Variants in NEMP1 observed in about 807,000 individuals in gnomAD.
NEMP1 encodes the protein transmembrane protein 194.
NEMP1 carries 29 observed loss-of-function variants against 53.7 expected under a neutral mutation model. The ratio of observed to expected loss-of-function variants is 0.54; its 90% CI spans 0.40 to 0.74. The LOEUF (loss-of-function observed/expected upper bound fraction) is 0.74. Ranked by LOEUF, NEMP1 falls within the 30% of genes least tolerant of loss-of-function variation. The pLI, the probability that NEMP1 is intolerant of heterozygous loss-of-function variation, is 0.00. For synonymous variants in NEMP1, 193 were observed against 192.9 expected, an observed-to-expected ratio of 1.00 and a Z score of 0.00; for missense variants, 477 against 528.6, an observed-to-expected ratio of 0.90 and a Z score of 0.96.
At chr12:57,070,620 G>A (rs969530196) in intron 3 of NEMP1, 54 bp downstream of exon 3, 25 of 1,454,930 alleles carry the variant, frequency 1.7e-5, no homozygotes, top group African/African-American at 2.8e-5. Context: ...ATACCCTTCA[G>A]AACTCAGTCC....
At chr12:57,070,644 A>G in intron 3 of NEMP1, 30 bp downstream of exon 3, 1 of 1,527,486 alleles carries the variant, frequency 6.5e-7, no homozygotes. Flanking sequence ...TCACTACAGA[A>G]TCCATCAGAA....
At chr12:57,070,956 A>G in intron 2 of NEMP1, 63 bp from the exon 3 acceptor site, 1 of 1,418,272 alleles carries the variant, frequency 7.1e-7, no homozygotes, top group Non-Finnish European at 9.7e-7. Flanking sequence ...TTTCACAAAT[A>G]CAATTTTTTA....
chr12:57,065,590 T>C (rs2032034357), intron 4 of NEMP1, among the ~76,000 whole-genome samples: 1 of 151,298 alleles, frequency 6.6e-6, no homozygotes, highest in African/African-American at 2.4e-5. Context: ...GGCGTCATCA[T>C]GGCTCACTGC....
chr12:57,063,997 A>G (rs971350197), intron 6 of NEMP1, 74 bp downstream of exon 6: 2 of 902,752 alleles, frequency 2.2e-6, no homozygotes, highest in East Asian at 5.7e-5. Context: ...TAAGCAGGCA[A>G]AATCTTTTCA....
intron 5 of NEMP1, 92 bp downstream of exon 5, chr12:57,064,554 T>C: frequency 1.1e-6 from 1 of 923,938 alleles, no homozygotes; most frequent in Non-Finnish European, 1.7e-6. Context: ...CAGCCATCAA[T>C]ACACATTTTC....
chr12:57,069,372 G>T, intron 3 of NEMP1, 66 bp from the exon 4 acceptor site: 1 of 1,065,274 alleles, frequency 9.4e-7, no homozygotes, highest in Non-Finnish European at 1.3e-6. Context: ...TAGAATAAAA[G>T]ACAACGTTGG....
intron 4 of NEMP1, 69 bp downstream of exon 4, chr12:57,069,165 T>C (rs994423164): frequency 1.8e-6 from 2 of 1,095,172 alleles, no homozygotes; most frequent in African/African-American, 1.6e-5. Flanking sequence ...CAGTACTTAA[T>C]AGTTACTATA....
rs1031931826 is a variant in NEMP1, at chr12:57,056,076, G to T, written c.*3803C>A. On this transcript the variant is annotated 3_prime_UTR_variant, in exon 9 of 9. Coordinates refer to ENST00000300128, the MANE Select transcript of NEMP1 (RefSeq NM_001130963.2). ...TGTGAAAGAGGAAGATGACACACACGTGGGATGGTGTGGAAATCCAAAGCC... is the reference window on the plus strand; with the variant it reads ...TGTGAAAGAGGAAGATGACACACACTTGGGATGGTGTGGAAATCCAAAGCC... The T allele has an allele frequency of 6.6e-6, 1 of 152,292 alleles. No individual in the cohort carries two copies. Among genetic ancestry groups the T allele is most frequent in the East Asian group, 1.9e-4 (1 of 5,182 alleles). 9.4% of individuals were successfully genotyped at this position (152,292 alleles called of 1,614,324 possible).
At chr12:57,082,684 C>T (rs569209805), upstream of NEMP1, among the ~76,000 whole-genome samples, 3 of 152,118 alleles carry the variant, frequency 2.0e-5, no homozygotes, top group African/African-American at 7.2e-5. Context: ...TGCACTCCAC[C>T]CTGGGTGACA....
chr12:57,086,449 G>A (rs148039860), intron 1 of NEMP1, among the ~76,000 whole-genome samples: 237 of 152,220 alleles, frequency 1.6e-3, no homozygotes, highest in African/African-American at 5.6e-3. Context: ...GAGCCAAGGG[G>A]ACACAGGGGA....
intron 1 of NEMP1, among the ~76,000 whole-genome samples, chr12:57,076,941 T>C (rs2032651155): frequency 9.6e-6 from 1 of 103,780 alleles, no homozygotes; most frequent in Admixed American, 1.4e-4. Context: ...ACAGCAAGAC[T>C]ACATTCTGCG....
chr12:57,071,375 T>A (rs1315966338), intron 2 of NEMP1, among the ~76,000 whole-genome samples: 1 of 152,118 alleles, frequency 6.6e-6, no homozygotes, highest in African/African-American at 2.4e-5. Flanking sequence ...ATCACTTTTT[T>A]ATCAGATAAT....
intron 1 of NEMP1, among the ~76,000 whole-genome samples, chr12:57,078,009 G>A (rs2032714155): frequency 6.6e-6 from 1 of 152,148 alleles, no homozygotes. Context: ...TTGAACCCAG[G>A]AGGCGGAGGT....
chr12:57,066,881 T>A (rs1592505035), intron 4 of NEMP1, among the ~76,000 whole-genome samples: 1 of 152,246 alleles, frequency 6.6e-6, no homozygotes, highest in Non-Finnish European at 1.5e-5. Flanking sequence ...CACTTGGTTC[T>A]CATTCTCTCT....
At chr12:57,060,116 T>C in intron 8 of NEMP1, 57 bp from the exon 9 acceptor site, 2 of 1,539,146 alleles carry the variant, frequency 1.3e-6, no homozygotes, top group Non-Finnish European at 1.8e-6. Flanking sequence ...TCTGGTCTTC[T>C]TTCAAAATAA....
chr12:57,082,322 C>G (rs2032871208), upstream of NEMP1, among the ~76,000 whole-genome samples: 2 of 152,128 alleles, frequency 1.3e-5, no homozygotes, highest in South Asian at 4.1e-4. Flanking sequence ...GCTAAATGTA[C>G]CATACTAATG....
intron 8 of NEMP1, 96 bp from the exon 9 acceptor site, chr12:57,060,155 C>T: frequency 8.9e-7 from 1 of 1,126,078 alleles, no homozygotes; most frequent in African/African-American, 1.6e-5. Flanking sequence ...GATATGCTCG[C>T]AACTCAAATT....
Position 57,078,673 on chromosome 12 carries a change from C to T in NEMP1, c.73G>A (p.Gly25Ser), listed in dbSNP as rs375519830. The T allele has an allele frequency of 9.3e-6, 15 of 1,613,470 alleles. No homozygotes were observed. The highest frequency in any genetic ancestry group is 2.7e-5 in the African/African-American group (2 of 74,896). Residue 25 changes from glycine (G) to serine (S), a missense_variant, in exon 1 of 9, where the codon GGT becomes AGT. By Grantham distance (56) the Gly-to-Ser change is moderately conservative. Transcript: ENST00000300128. ...PGPWGSGVGG[G>S]GTVRLLLILS... ...ATCAAGAGTAGCCGCACTGTCCCAC[C>T]GCCCCCGACTCCCGAGCCCCAGGGC... is the stretch of plus-strand genomic sequence containing the variant.
rs561073934 is a variant in NEMP1 at position 57,067,417 on chromosome 12, T to C, written c.545+1817A>G. On this transcript the variant is annotated intron_variant, in intron 4 of 8. Coordinates refer to ENST00000300128, the MANE Select transcript of NEMP1 (RefSeq NM_001130963.2). ...CAACAGCAGCATCAAAGATCACTGA[T>C]TATGGATCACCATAACAGTTATAAT... is the stretch of plus-strand genomic sequence containing the variant. 1.1e-4 allele frequency among the ~76,000 whole-genome samples: 17 copies of C among 152,286 alleles called. No homozygotes were observed. In the East Asian group the frequency reaches 2.9e-3, roughly 26 times the overall value.
Sources: gnomAD v4.1 joint callset for allele counts (sites outside exome capture counted in the v4.1 genomes callset) on GRCh38, gnomAD v4.1.1 for gene constraint, MANE v1.5 for transcripts, NCBI Gene and HGNC (gene_info 2026-07-23, HGNC 2026-07-21) for gene names.